The following STX7 variants were observed in gnomAD, a reference collection of about 807,000 sequenced individuals.
STX7 encodes the protein syntaxin-7.
A neutral mutation model predicts 39.6 loss-of-function variants in STX7; 34 were observed. The ratio of observed to expected loss-of-function variants is 0.86; its 90% CI spans 0.65 to 1.14. The LOEUF (loss-of-function observed/expected upper bound fraction) is 1.14, where lower values mean the gene tolerates loss of function less well. Ranked by LOEUF, STX7 falls within the 50% of genes most tolerant of loss-of-function variation. The pLI is 0.00. For missense variants in STX7, 284 were observed against 310.4 expected, an observed-to-expected ratio of 0.92 and a Z score of 0.64; for synonymous variants, 119 against 99.1, an observed-to-expected ratio of 1.20 and a Z score of -1.19.
intron 8 of STX7, 22 bp from the exon 9 acceptor site, chr6:132,464,097 C>T (rs763673655): frequency 1.9e-6 from 3 of 1,593,112 alleles, no homozygotes; most frequent in Admixed American, 1.7e-5. Context: ...AACACACACA[C>T]ACAAATGTGT....
chr6:132,502,710 T>C (rs1775602114), intron 2 of STX7, among the ~76,000 whole-genome samples: 1 of 151,982 alleles, frequency 6.6e-6, no homozygotes. Context: ...CCATCCTGGC[T>C]AACACGGTGA....
chr6:132,501,305 C>T lies in STX7; in HGVS notation c.85+2141G>A, dbSNP rs556531517. Among the ~76,000 whole-genome samples, 19 of 152,218 alleles carry T rather than the reference C, an allele frequency of 1.2e-4. No homozygotes were observed. The East Asian group carries it at 2.1e-3, about 17-fold the overall frequency. ...CTGACCTCCCGTGATCTGCCTGCCT[C>T]GGCCTCCCAAAGTGCTGGGATTACA... is the stretch of plus-strand genomic sequence containing the variant. On this transcript the variant is annotated intron_variant, in intron 2 of 9. Coordinates refer to ENST00000367941, the MANE Select transcript of STX7 (RefSeq NM_003569.3).
intron 2 of STX7, among the ~76,000 whole-genome samples, chr6:132,495,332 C>T (rs1046841072): frequency 6.6e-6 from 1 of 152,120 alleles, no homozygotes; most frequent in African/African-American, 2.4e-5. Context: ...TATGTTAGCA[C>T]CTTAGGCATG....
Position 132,456,384 on chromosome 6 carries a change from T to C in STX7, c.*4374A>G, listed in dbSNP as rs1222513607. 6.6e-6 allele frequency: 1 copy of C among 152,214 alleles called. No individual in the cohort carries two copies. Among genetic ancestry groups the C allele is most frequent in the Admixed American group, 6.5e-5 (1 of 15,276 alleles). The allele number at this position is 152,214 out of a possible 1,614,324, so 9.4% of individuals were successfully genotyped here. ...CTTCTTTTAACACACCAAGTTCTTT[T>C]TATATGCCAAATAACAAAACATAAA... On this transcript the variant is annotated 3_prime_UTR_variant, in exon 10 of 10. Transcript: ENST00000367941.
chr6:132,500,144 T>C (rs953830809), intron 2 of STX7, among the ~76,000 whole-genome samples: 1 of 152,226 alleles, frequency 6.6e-6, no homozygotes, highest in African/African-American at 2.4e-5. Flanking sequence ...ACCTCCCTGC[T>C]ATTCCCTCAA....
chr6:132,461,385 C>A (rs543705887), intron 9 of STX7, among the ~76,000 whole-genome samples: 62 of 152,238 alleles, frequency 4.1e-4, no homozygotes, highest in African/African-American at 1.5e-3. Context: ...TGGCTCACTG[C>A]AATCTCTACC....
At chr6:132,493,098 C>T (rs1775336083) in intron 2 of STX7, among the ~76,000 whole-genome samples, 1 of 152,066 alleles carries the variant, frequency 6.6e-6, no homozygotes, top group Non-Finnish European at 1.5e-5. Flanking sequence ...GAATAAAAGG[C>T]AAACTATCTT....
intron 2 of STX7, among the ~76,000 whole-genome samples, chr6:132,494,882 A>G (rs984609568): frequency 6.6e-6 from 1 of 152,188 alleles, no homozygotes; most frequent in African/African-American, 2.4e-5. Context: ...AAGAGGCAGG[A>G]ATGGAAGTGA....
At chr6:132,513,434 C>A (rs1474302343), upstream of STX7, among the ~76,000 whole-genome samples, 1 of 152,172 alleles carries the variant, frequency 6.6e-6, no homozygotes, top group Non-Finnish European at 1.5e-5. Context: ...TGCAGTAGAT[C>A]GCGTTGACAG....
chr6:132,490,637 A>T (rs1775256297), intron 2 of STX7, among the ~76,000 whole-genome samples: 2 of 152,324 alleles, frequency 1.3e-5, no homozygotes, highest in South Asian at 4.1e-4. Context: ...GGTGGGGCGG[A>T]GAATAACCGG....
chr6:132,490,775 C>T (rs1337480027), intron 2 of STX7, among the ~76,000 whole-genome samples: 6 of 152,058 alleles, frequency 3.9e-5, no homozygotes, highest in Admixed American at 1.3e-4. Flanking sequence ...AAAGGAGACA[C>T]GGAACAGATT....
At chr6:132,461,825 G>A (rs754437285) in intron 9 of STX7, 38 of 1,538,274 alleles carry the variant, frequency 2.5e-5, no homozygotes, top group Non-Finnish European at 3.1e-5. Context: ...CTTTAATGGC[G>A]TTTGTACCTC....
In STX7 at chr6:132,454,995, G is replaced by C. The variant is rs530207154; in HGVS notation, c.*5763C>G. ...GCCTGAGGCACATTGAAAATGCCTCGAAATGAACTCAAAACGACCACAGTA... is the reference window on the plus strand; with the variant it reads ...GCCTGAGGCACATTGAAAATGCCTCCAAATGAACTCAAAACGACCACAGTA... On this transcript the variant is annotated 3_prime_UTR_variant, in exon 10 of 10. Coordinates refer to ENST00000367941, the MANE Select transcript of STX7 (RefSeq NM_003569.3). 13 of 151,786 alleles carry C rather than the reference G, an allele frequency of 8.6e-5. No individual in the cohort carries two copies. Among genetic ancestry groups the C allele is most frequent in the Admixed American group, 5.3e-4 (8 of 15,216 alleles). 9.4% of individuals were successfully genotyped at this position (151,786 alleles called of 1,614,324 possible). A position where few individuals can be genotyped will look rare whatever the true frequency, so the allele number is the denominator to read the frequency against.
At chr6:132,486,219 A>G (rs1775128501) in intron 2 of STX7, among the ~76,000 whole-genome samples, 1 of 152,138 alleles carries the variant, frequency 6.6e-6, no homozygotes, top group Non-Finnish European at 1.5e-5. Context: ...ATCCATCTGC[A>G]CTAGATGGAT....
At chr6:132,502,813 G>A (rs1382275236) in intron 2 of STX7, among the ~76,000 whole-genome samples, 1 of 152,034 alleles carries the variant, frequency 6.6e-6, no homozygotes, top group Non-Finnish European at 1.5e-5. Context: ...GCAGGAGAAT[G>A]GTGTGAACCT....
Position 132,457,129 on chromosome 6 carries a change from T to C in STX7, c.*3629A>G, listed in dbSNP as rs1401247315. Reference sequence around the variant, plus strand: ...GGCCAGCTCCTGAGATCCACCCACTTTGGGGCCGCAGACACCTTCCTCACC... The same window carrying C: ...GGCCAGCTCCTGAGATCCACCCACTCTGGGGCCGCAGACACCTTCCTCACC... On this transcript the variant is annotated 3_prime_UTR_variant, in exon 10 of 10. Transcript: ENST00000367941. 6.6e-6 allele frequency: 1 copy of C among 152,434 alleles called. No individual in the cohort carries two copies. The highest frequency in any genetic ancestry group is 1.5e-5 in the Non-Finnish European group (1 of 68,186). The allele number at this position is 152,434 out of a possible 1,614,324, so 9.4% of individuals were successfully genotyped here.
chr6:132,487,770 T>A, intron 2 of STX7, among the ~76,000 whole-genome samples: 1 of 152,230 alleles, frequency 6.6e-6, no homozygotes, highest in East Asian at 1.9e-4. Context: ...TAATATATCA[T>A]CTCTCTCATT....
In STX7 at chr6:132,472,234, G is replaced by T. The variant is rs775818776; in HGVS notation, c.249+48C>A. 4 of 1,470,988 alleles carry T rather than the reference G, an allele frequency of 2.7e-6. No individual in the cohort carries two copies. In the East Asian group the frequency reaches 9.1e-5, roughly 34 times the overall value. 91.1% of individuals were successfully genotyped at this position (1,470,988 alleles called of 1,614,324 possible). On this transcript the variant is annotated intron_variant, in intron 4 of 9. Coordinates refer to ENST00000367941, the MANE Select transcript of STX7 (RefSeq NM_003569.3). ...GTTCAAAGATCCTACAGTGCACTGG[G>T]TTTTTTTCACATTCAATACATCAAC...
intron 2 of STX7, among the ~76,000 whole-genome samples, chr6:132,477,915 G>GTA (rs1387022921): frequency 6.6e-6 from 1 of 152,152 alleles, no homozygotes; most frequent in Non-Finnish European, 1.5e-5. Flanking sequence ...AGGCAAATGT[G>GTA]TACATAACAA....
Sources: allele counts gnomAD v4.1 joint callset (sites outside exome capture counted in the v4.1 genomes callset), GRCh38; gene constraint gnomAD v4.1.1; transcripts MANE v1.5; gene names NCBI Gene and HGNC (gene_info 2026-07-23, HGNC 2026-07-21).